The following PAFAH1B1 variants were observed in gnomAD, a reference collection of about 807,000 sequenced individuals.
PAFAH1B1 encodes the protein platelet-activating factor acetylhydrolase IB subunit beta.
In PAFAH1B1, 2 loss-of-function variants were observed where a neutral mutation model predicts 57.5. The observed-to-expected ratio is 0.03, with a 90% confidence interval of 0.01 to 0.11. The LOEUF is 0.11. Ranked by LOEUF, PAFAH1B1 falls within the 10% of genes least tolerant of loss-of-function variation. The pLI is 1.00. For synonymous variants in PAFAH1B1, 152 were observed against 169.6 expected, an observed-to-expected ratio of 0.90 and a Z score of 0.81; for missense variants, 257 against 512.0, an observed-to-expected ratio of 0.50 and a Z score of 4.81.
intron 2 of PAFAH1B1, among the ~76,000 whole-genome samples, chr17:2,663,118 T>G (rs1386438264): frequency 2.7e-5 from 4 of 149,612 alleles, no homozygotes; most frequent in East Asian, 3.9e-4. Flanking sequence ...TGTCTCTAAA[T>G]AAAGAAAGAA....
intron 1 of PAFAH1B1, among the ~76,000 whole-genome samples, chr17:2,601,730 C>T (rs745430061): frequency 7.2e-5 from 11 of 152,152 alleles, no homozygotes; most frequent in Non-Finnish European, 1.3e-4. Context: ...GCATGCACCA[C>T]GGCGCCCGGC....
chr17:2,668,151 C>G (rs1020935647), intron 5 of PAFAH1B1, among the ~76,000 whole-genome samples: 1 of 151,596 alleles, frequency 6.6e-6, no homozygotes, highest in Non-Finnish European at 1.5e-5. Flanking sequence ...ACGGAGAAAC[C>G]CCATCTCTAC....
chr17:2,615,011 T>C (rs561347663), intron 1 of PAFAH1B1, among the ~76,000 whole-genome samples: 24 of 151,266 alleles, frequency 1.6e-4, no homozygotes, highest in African/African-American at 5.1e-4. Context: ...TCCATATCCA[T>C]GGGTTTTGTA....
chr17:2,620,498 G>T (rs1312257601), intron 1 of PAFAH1B1, among the ~76,000 whole-genome samples: 2 of 152,120 alleles, frequency 1.3e-5, no homozygotes, highest in African/African-American at 4.8e-5. Flanking sequence ...TCTCTTTTCT[G>T]TTGGATGCTG....
At chr17:2,681,585 C>T (rs1226811925) in intron 10 of PAFAH1B1, 144 bp from the exon 11 acceptor site, 2 of 650,150 alleles carry the variant, frequency 3.1e-6, no homozygotes, top group Admixed American at 2.3e-5. Context: ...CATCAGTCTC[C>T]CGAGTAGCTG....
Position 2,681,959 on chromosome 17 carries a change from C to G in PAFAH1B1, c.*157C>G. The stretch of plus-strand genomic sequence containing the variant: ...TATTAAATGTTACACACAAAGTATT[C>G]ATGCATGGTGAATCCAAATTGTATA... On this transcript the variant is annotated 3_prime_UTR_variant, in exon 11 of 11. Coordinates refer to ENST00000397195, the MANE Select transcript of PAFAH1B1 (RefSeq NM_000430.4). 1.6e-6 allele frequency: 1 copy of G among 617,886 alleles called. No homozygotes were observed. Among genetic ancestry groups the G allele is most frequent in the South Asian group, 2.1e-5 (1 of 47,212 alleles). 38.3% of individuals were successfully genotyped at this position (617,886 alleles called of 1,614,324 possible).
intron 1 of PAFAH1B1, among the ~76,000 whole-genome samples, chr17:2,599,804 T>A (rs1203657956): frequency 6.6e-6 from 1 of 152,254 alleles, no homozygotes; most frequent in African/African-American, 2.4e-5. Context: ...GGCTCTTATG[T>A]TGACAAGAAT....
chr17:2,678,434 C>T lies in PAFAH1B1; in HGVS notation c.1003-1730C>T, dbSNP rs572358403. 1.5e-3 allele frequency among the ~76,000 whole-genome samples: 219 copies of T among 146,110 alleles called. 1 individual carries two copies. The highest frequency in any genetic ancestry group is 4.9e-3 in the African/African-American group (194 of 39,322). ...AAAAAAAAAAACCCGGGCATGGTGG[C>T]GCACGTCTGTAATCCCAGCTACTCG... On this transcript the variant is annotated intron_variant, in intron 9 of 10. Coordinates refer to ENST00000397195, the MANE Select transcript of PAFAH1B1 (RefSeq NM_000430.4).
At chr17:2,676,651 T>C (rs1014356143) in intron 9 of PAFAH1B1, 45 bp downstream of exon 9, 1 of 1,104,300 alleles carries the variant, frequency 9.1e-7, no homozygotes, top group Non-Finnish European at 1.4e-6. Flanking sequence ...CTTCACTGTT[T>C]ATACCTTTTT....
chr17:2,654,098 T>C (rs1204748731), intron 2 of PAFAH1B1, among the ~76,000 whole-genome samples: 2 of 150,942 alleles, frequency 1.3e-5, no homozygotes, highest in Non-Finnish European at 3.0e-5. Flanking sequence ...TGAGCCACCA[T>C]GCCCGGCCAG....
intron 2 of PAFAH1B1, among the ~76,000 whole-genome samples, chr17:2,654,950 T>C (rs1333211461): frequency 6.7e-6 from 1 of 149,124 alleles, no homozygotes; most frequent in Non-Finnish European, 1.5e-5. Flanking sequence ...CTTTTTTTTT[T>C]CTTCTTTTTT....
At chr17:2,653,528 C>T (rs2151647311) in intron 2 of PAFAH1B1, among the ~76,000 whole-genome samples, 1 of 151,944 alleles carries the variant, frequency 6.6e-6, no homozygotes. Context: ...AGGTATTTTC[C>T]ACTCCTTTTT....
intron 8 of PAFAH1B1, among the ~76,000 whole-genome samples, chr17:2,675,338 A>G (rs1451064360): frequency 2.0e-5 from 3 of 152,138 alleles, no homozygotes; most frequent in Non-Finnish European, 4.4e-5. Flanking sequence ...CCTATCATGT[A>G]TTTTTAAAAC....
At chr17:2,668,597 T>C (rs35606899) in intron 5 of PAFAH1B1, among the ~76,000 whole-genome samples, 89,974 of 151,758 alleles carry the variant, frequency 0.59, 28,683 homozygotes, top group East Asian at 0.88. Context: ...GAGGATCACA[T>C]GAGCCTGGGA....
chr17:2,607,529 G>C (rs1207154394), intron 1 of PAFAH1B1, among the ~76,000 whole-genome samples: 1 of 150,768 alleles, frequency 6.6e-6, no homozygotes, highest in East Asian at 1.9e-4. Context: ...CTATCACCCA[G>C]GCCAGAGTGC....
At chr17:2,595,011 A>AGTG (rs2068069768) in intron 1 of PAFAH1B1, among the ~76,000 whole-genome samples, 3 of 152,178 alleles carry the variant, frequency 2.0e-5, no homozygotes, top group Admixed American at 6.5e-5. Flanking sequence ...CTTAGCAAGA[A>AGTG]ACTCCTTGGG....
intron 1 of PAFAH1B1, among the ~76,000 whole-genome samples, chr17:2,628,236 T>C (rs1351282093): frequency 6.6e-6 from 1 of 151,900 alleles, no homozygotes; most frequent in African/African-American, 2.4e-5. Flanking sequence ...GCTTTTATTA[T>C]GTTATTTCCC....
At chr17:2,661,715 T>C (rs8081803) in intron 2 of PAFAH1B1, among the ~76,000 whole-genome samples, 30,554 of 152,160 alleles carry the variant, frequency 0.2, 3,335 homozygotes, top group Middle Eastern at 0.27. Context: ...AACCTTGTTT[T>C]TTCTTCATAT....
chr17:2,675,551 C>T (rs2069249538), intron 8 of PAFAH1B1, among the ~76,000 whole-genome samples: 1 of 151,896 alleles, frequency 6.6e-6, no homozygotes, highest in African/African-American at 2.4e-5. Context: ...CCTGTAATCC[C>T]AGCACTTTGG....
Sources: allele counts gnomAD v4.1 joint callset (sites outside exome capture counted in the v4.1 genomes callset), GRCh38; gene constraint gnomAD v4.1.1; transcripts MANE v1.5; gene names NCBI Gene and HGNC (gene_info 2026-07-23, HGNC 2026-07-21).